Variants in IMMP2L observed in about 807,000 individuals in gnomAD.
IMMP2L encodes inner mitochondrial membrane peptidase subunit 2, also known as mitochondrial inner membrane protease subunit 2.
In IMMP2L, 18 loss-of-function variants were observed where a neutral mutation model predicts 19.3. The ratio of observed to expected loss-of-function variants is 0.93; its 90% CI spans 0.64 to 1.38. The LOEUF (loss-of-function observed/expected upper bound fraction) is 1.38, where lower values mean the gene tolerates loss of function less well. Ranked by LOEUF, IMMP2L falls within the 40% of genes most tolerant of loss-of-function variation. The pLI, the probability that IMMP2L is intolerant of heterozygous loss-of-function variation, is 0.00. For synonymous variants in IMMP2L, 76 were observed against 73.0 expected (o/e 1.04, Z -0.21); for missense variants, 233 against 218.2 (o/e 1.07, Z -0.43).
intron 5 of IMMP2L, among the ~76,000 whole-genome samples, chr7:110,810,670 G>A (rs146284259): frequency 1.2e-3 from 181 of 152,132 alleles, no homozygotes; most frequent in African/African-American, 4.0e-3. Context: ...AGGCATAAAT[G>A]GGATTAATGA....
intron 3 of IMMP2L, among the ~76,000 whole-genome samples, chr7:111,206,691 AATTATT>A (rs149561206): frequency 6.6e-6 from 1 of 152,164 alleles, no homozygotes; most frequent in Non-Finnish European, 1.5e-5. Flanking sequence ...TGTACAGTTG[AATTATT>A]ATTAACTACA....
intron 5 of IMMP2L, among the ~76,000 whole-genome samples, chr7:110,774,904 C>A (rs915200107): frequency 6.6e-6 from 1 of 151,912 alleles, no homozygotes; most frequent in Admixed American, 6.6e-5. Flanking sequence ...ACATACACAT[C>A]CTTAAATTGT....
chr7:110,963,150 C>A, intron 4 of IMMP2L: 1 of 1,399,484 alleles, frequency 7.1e-7, no homozygotes, highest in South Asian at 1.5e-5. Flanking sequence ...GTTAAATGTT[C>A]TTGAATTTTT....
chr7:111,356,184 T>C (rs1267463005), intron 3 of IMMP2L, among the ~76,000 whole-genome samples: 5 of 152,034 alleles, frequency 3.3e-5, no homozygotes, highest in South Asian at 2.1e-4. Context: ...CCTTTTAGGC[T>C]AGTAAATTTG....
chr7:110,773,235 G>A (rs529925675), intron 5 of IMMP2L, among the ~76,000 whole-genome samples: 14 of 152,128 alleles, frequency 9.2e-5, no homozygotes, highest in Non-Finnish European at 1.9e-4. Context: ...TGAACCTTTC[G>A]ATGTTTCAAG....
intron 3 of IMMP2L, among the ~76,000 whole-genome samples, chr7:111,478,709 A>T (rs1841931585): frequency 6.6e-6 from 1 of 151,944 alleles, no homozygotes; most frequent in Non-Finnish European, 1.5e-5. Context: ...TACAGACATG[A>T]CTCACCACAC....
chr7:111,403,224 T>C (rs1468867534), intron 3 of IMMP2L, among the ~76,000 whole-genome samples: 3 of 151,694 alleles, frequency 2.0e-5, no homozygotes, highest in Non-Finnish European at 4.4e-5. Flanking sequence ...ACTCACGAGA[T>C]CTCATGGTTT....
At position 111,454,761 on chromosome 7, in the gene IMMP2L, A is replaced by G. The variant is rs1432094365; in HGVS notation, c.239+32477T>C. Among the ~76,000 whole-genome samples the G allele has an allele frequency of 2.6e-5, 4 of 152,178 alleles. No individual in the cohort carries two copies. In the East Asian group the frequency reaches 7.7e-4, roughly 29 times the overall value. On this transcript the variant is annotated intron_variant, in intron 3 of 5. Transcript: ENST00000405709. ...AAGTTTCTCTTTACCCAAAAATATA[A>G]TCTGGATTAAATTCAATTTACTGAC...
At chr7:110,680,022 T>C (rs536997705) in intron 5 of IMMP2L, among the ~76,000 whole-genome samples, 439 of 152,276 alleles carry the variant, frequency 2.9e-3, no homozygotes, top group Non-Finnish European at 5.2e-3. Context: ...CTAAGTATCA[T>C]AACGAACAAT....
intron 5 of IMMP2L, among the ~76,000 whole-genome samples, chr7:110,741,745 ATTATT>A (rs1284078382): frequency 2.6e-5 from 4 of 152,232 alleles, no homozygotes; most frequent in African/African-American, 9.6e-5. Context: ...CCATTATGCT[ATTATT>A]TTATAGAAAT....
chr7:111,370,105 C>T (rs1329085142), intron 3 of IMMP2L, among the ~76,000 whole-genome samples: 2 of 151,960 alleles, frequency 1.3e-5, no homozygotes, highest in African/African-American at 2.4e-5. Flanking sequence ...CATTGTCGGT[C>T]AGATCTGAGT....
intron 5 of IMMP2L, among the ~76,000 whole-genome samples, chr7:110,843,939 G>A (rs1429027436): frequency 6.6e-6 from 1 of 152,262 alleles, no homozygotes; most frequent in South Asian, 2.1e-4. Flanking sequence ...AGATCTCTGG[G>A]ATAGGAGGAA....
intron 3 of IMMP2L, among the ~76,000 whole-genome samples, chr7:111,309,698 A>C (rs376626697): frequency 6.6e-6 from 1 of 152,138 alleles, no homozygotes; most frequent in South Asian, 2.1e-4. Flanking sequence ...CCCTTTATTA[A>C]GAATGCAGAC....
chr7:111,537,684 T>C (rs997323949), intron 1 of IMMP2L, among the ~76,000 whole-genome samples: 3 of 151,724 alleles, frequency 2.0e-5, no homozygotes, highest in Non-Finnish European at 4.4e-5. Context: ...CACAGGTATG[T>C]GCCACCACAC....
At chr7:111,086,426 G>A (rs1445309720) in intron 3 of IMMP2L, among the ~76,000 whole-genome samples, 3 of 148,810 alleles carry the variant, frequency 2.0e-5, no homozygotes, top group Admixed American at 6.8e-5. Flanking sequence ...CTGGGCAACA[G>A]AGCAAAAACT....
intron 3 of IMMP2L, among the ~76,000 whole-genome samples, chr7:111,106,802 A>G (rs1162642218): frequency 1.3e-5 from 2 of 151,238 alleles, no homozygotes; most frequent in Non-Finnish European, 3.0e-5. Flanking sequence ...ACCAAAAAAA[A>G]TGGAATCAAC....
chr7:111,140,015 T>A (rs1802721759), intron 3 of IMMP2L, among the ~76,000 whole-genome samples: 1 of 152,108 alleles, frequency 6.6e-6, no homozygotes, highest in Admixed American at 6.6e-5. Context: ...TATGTTATTT[T>A]CTTGGAGTTC....
intron 5 of IMMP2L, among the ~76,000 whole-genome samples, chr7:110,772,840 A>G (rs1008470037): frequency 5.9e-5 from 9 of 152,150 alleles, no homozygotes; most frequent in African/African-American, 1.7e-4. Flanking sequence ...TACTGGCAGG[A>G]GGCCTTATGC....
chr7:111,178,379 T>A (rs956953891), intron 3 of IMMP2L, among the ~76,000 whole-genome samples: 1 of 152,054 alleles, frequency 6.6e-6, no homozygotes, highest in Admixed American at 6.6e-5. Context: ...CTTGCCTCTA[T>A]GTTGATGGCT....
Sources: gnomAD v4.1 joint callset for allele counts (sites outside exome capture counted in the v4.1 genomes callset) on GRCh38, gnomAD v4.1.1 for gene constraint, MANE v1.5 for transcripts, NCBI Gene and HGNC (gene_info 2026-07-23, HGNC 2026-07-21) for gene names.